Variants in DPEP1 observed in about 807,000 individuals in gnomAD.
DPEP1 encodes the protein dipeptidase 1.
Under a neutral mutation model 42.3 loss-of-function variants are expected in DPEP1, and 50 were observed. The ratio of observed to expected loss-of-function variants is 1.18; its 90% CI spans 0.94 to 1.50. DPEP1 has a LOEUF of 1.50. Ranked by LOEUF, DPEP1 falls within the 40% of genes most tolerant of loss-of-function variation. DPEP1 has a pLI of 0.00. For synonymous variants in DPEP1, 297 were observed against 234.0 expected (o/e 1.27, Z -2.46); for missense variants, 663 against 553.0 (o/e 1.20, Z -1.99).
downstream of DPEP1, among the ~76,000 whole-genome samples, chr16:89,640,983 A>G (rs1398469835): frequency 6.6e-6 from 1 of 152,198 alleles, no homozygotes; most frequent in Non-Finnish European, 1.5e-5. Flanking sequence ...CACGCGAGTC[A>G]CGTGTCCACT....
downstream of DPEP1, among the ~76,000 whole-genome samples, chr16:89,640,289 G>A (rs544149467): frequency 3.6e-4 from 55 of 152,316 alleles, no homozygotes; most frequent in Middle Eastern, 3.4e-3. Context: ...CTCAGCTTCC[G>A]TTAGGAAGTG....
At position 89,636,762 on chromosome 16, in the gene DPEP1, C is replaced by A. The variant is rs865834325; in HGVS notation, c.521+79C>A. ...GACACTCCCTGCCACCCTCCAGAGC[C>A]CATCCCCTCTGCCTGTGAGTCCCAG... On this transcript the variant is annotated intron_variant, in intron 5 of 10. Transcript: ENST00000690203. The A allele has an allele frequency of 3.8e-5, 61 of 1,601,502 alleles. 1 individual carries two copies. The highest frequency in any genetic ancestry group is 1.3e-4 in the South Asian group (12 of 90,302).
intron 8 of DPEP1, 36 bp from the exon 9 acceptor site, chr16:89,637,596 C>G: frequency 6.2e-7 from 1 of 1,612,832 alleles, no homozygotes; most frequent in Non-Finnish European, 8.5e-7. Context: ...GGGGGAGGGC[C>G]TCACTCGGGA....
At chr16:89,641,227 G>GT (rs1491452468), downstream of DPEP1, among the ~76,000 whole-genome samples, 4 of 151,902 alleles carry the variant, frequency 2.6e-5, no homozygotes, top group African/African-American at 9.7e-5. Flanking sequence ...CTGCGGGGGG[G>GT]GGTTGACTGA....
chr16:89,631,670 A>G (rs11649482), intron 2 of DPEP1, among the ~76,000 whole-genome samples: 29,631 of 152,216 alleles, frequency 0.19, 3,095 homozygotes, highest in South Asian at 0.35. Flanking sequence ...AGCCTGGCCA[A>G]CATGGCGAAA....
intron 8 of DPEP1, 28 bp from the exon 9 acceptor site, chr16:89,637,604 G>A: frequency 6.2e-7 from 1 of 1,612,812 alleles, no homozygotes; most frequent in Non-Finnish European, 8.5e-7. Flanking sequence ...GCCTCACTCG[G>A]GACCCATACC....
At chr16:89,620,179 C>A (rs940394601) in intron 1 of DPEP1, among the ~76,000 whole-genome samples, 1 of 152,020 alleles carries the variant, frequency 6.6e-6, no homozygotes, top group African/African-American at 2.4e-5. Context: ...GGAGATCAAC[C>A]CATCGCACTT....
rs2059689021 is a variant in DPEP1 at position 89,636,958 on chromosome 16, G to C, written c.591+23G>C. ...CAGGTGAGTGGGGTGGGAGCGGCCA[G>C]TCACCCCCGAGGAGAAGGCAGAGGC... On this transcript the variant is annotated intron_variant, in intron 6 of 10. Coordinates refer to ENST00000690203, the MANE Select transcript of DPEP1 (RefSeq NM_001389466.1). The C allele has an allele frequency of 1.9e-6, 3 of 1,610,008 alleles. No individual in the cohort carries two copies. In the South Asian group the frequency reaches 3.3e-5, roughly 18 times the overall value.
chr16:89,636,159 C>G, intron 3 of DPEP1, 105 bp from the exon 4 acceptor site: 1 of 1,547,668 alleles, frequency 6.5e-7, no homozygotes, highest in Non-Finnish European at 8.7e-7. Context: ...GTGCCCAGGC[C>G]GAGGGAGGGC....
At chr16:89,637,156 GC>G in intron 6 of DPEP1, 47 bp from the exon 7 acceptor site, 2 of 1,590,274 alleles carry the variant, frequency 1.3e-6, no homozygotes, top group Non-Finnish European at 8.6e-7. Flanking sequence ...CACCTCCGCA[GC>G]CCCGACCCTG....
intron 1 of DPEP1, 87 bp from the exon 2 acceptor site, chr16:89,630,218 G>T: frequency 2.2e-6 from 1 of 461,396 alleles, no homozygotes; most frequent in South Asian, 2.7e-5. Flanking sequence ...GAATGTGCTG[G>T]TTACTTATTG....
At chr16:89,621,599 T>G (rs1352527136) in intron 1 of DPEP1, among the ~76,000 whole-genome samples, 1 of 152,174 alleles carries the variant, frequency 6.6e-6, no homozygotes, top group African/African-American at 2.4e-5. Flanking sequence ...TTTGGGGGCC[T>G]CTGTGCCAGG....
intron 2 of DPEP1, 95 bp from the exon 3 acceptor site, chr16:89,635,813 G>A (rs2059670020): frequency 6.9e-7 from 1 of 1,453,044 alleles, no homozygotes; most frequent in Non-Finnish European, 9.1e-7. Flanking sequence ...GTGAGGAGTA[G>A]GAAGTGGGGA....
At chr16:89,618,682 G>C (rs1056564130) in intron 1 of DPEP1, among the ~76,000 whole-genome samples, 3 of 152,006 alleles carry the variant, frequency 2.0e-5, no homozygotes, top group African/African-American at 7.3e-5. Flanking sequence ...TATGTCTGTA[G>C]AGACGAGGTC....
At chr16:89,625,101 C>T (rs905861566) in intron 1 of DPEP1, among the ~76,000 whole-genome samples, 14 of 152,162 alleles carry the variant, frequency 9.2e-5, no homozygotes, top group African/African-American at 3.4e-4. Flanking sequence ...CCTGGGTTCC[C>T]TGCCCCAGAC....
intron 2 of DPEP1, among the ~76,000 whole-genome samples, chr16:89,633,359 C>T (rs2059614146): frequency 6.6e-6 from 1 of 152,240 alleles, no homozygotes; most frequent in Non-Finnish European, 1.5e-5. Context: ...CGTGCGCCCG[C>T]CCATCTGCCC....
intron 1 of DPEP1, among the ~76,000 whole-genome samples, chr16:89,624,911 C>T (rs774609625): frequency 3.9e-5 from 6 of 152,164 alleles, no homozygotes; most frequent in Non-Finnish European, 8.8e-5. Context: ...CGTGGCTAAT[C>T]AAAGGCTGAG....
chr16:89,618,047 A>T (rs1597740037), intron 1 of DPEP1, among the ~76,000 whole-genome samples: 1 of 152,292 alleles, frequency 6.6e-6, no homozygotes, highest in East Asian at 1.9e-4. Flanking sequence ...AAATAAAAAT[A>T]AAAAATCATC....
chr16:89,626,199 G>T lies in DPEP1; in HGVS notation c.-106-4106G>T, dbSNP rs74251526. ...GAGCTGAGTGATGCGGTTTGGTTCTGTGTCCCCACCCAAATCTCATCTCAG... is the reference window on the plus strand; with the variant it reads ...GAGCTGAGTGATGCGGTTTGGTTCTTTGTCCCCACCCAAATCTCATCTCAG... On this transcript the variant is annotated intron_variant, in intron 1 of 10. Transcript: ENST00000690203. 0.023 allele frequency among the ~76,000 whole-genome samples: 3,469 copies of T among 152,260 alleles called. 608 individuals are homozygous for T. The East Asian group carries it at 0.48, about 21-fold the overall frequency.
Sources: allele counts gnomAD v4.1 joint callset (sites outside exome capture counted in the v4.1 genomes callset), GRCh38; gene constraint gnomAD v4.1.1; transcripts MANE v1.5; gene names NCBI Gene and HGNC (gene_info 2026-07-23, HGNC 2026-07-21).